DNAJC15: variants seen among roughly 807,000 people sequenced by gnomAD.
The protein encoded by DNAJC15 is dnaJ homolog subfamily C member 15.
In DNAJC15, 27 loss-of-function variants were observed where a neutral mutation model predicts 22.4. That is an observed-to-expected ratio of 1.20 (90% confidence interval 0.89 to 1.66). The LOEUF is 1.66. Among genes scored for constraint, DNAJC15 ranks in the 40% most tolerant of loss-of-function variants. The probability of loss-of-function intolerance (pLI) is 0.00; values close to 1 mark genes in which losing one functional copy is unlikely to be tolerated. For synonymous variants in DNAJC15, 79 were observed against 63.2 expected (o/e 1.25, Z -1.19); for missense variants, 208 against 187.1 (o/e 1.11, Z -0.65).
At chr13:43,080,310 A>G (rs1350958630) in intron 4 of DNAJC15, among the ~76,000 whole-genome samples, 1 of 152,004 alleles carries the variant, frequency 6.6e-6, no homozygotes, top group Admixed American at 6.6e-5. Flanking sequence ...AACATGTGAT[A>G]TTTGGTTTTC....
At chr13:43,101,948 A>G (rs1023825964) in intron 5 of DNAJC15, among the ~76,000 whole-genome samples, 2 of 152,204 alleles carry the variant, frequency 1.3e-5, no homozygotes, top group South Asian at 4.1e-4. Context: ...AAAGATACCT[A>G]GTAGTGGGAT....
intron 4 of DNAJC15, among the ~76,000 whole-genome samples, chr13:43,080,581 A>G (rs996055404): frequency 1.3e-5 from 2 of 152,236 alleles, no homozygotes; most frequent in Non-Finnish European, 2.9e-5. Flanking sequence ...AAAGCAGATT[A>G]TTGCCCTGAG....
At chr13:43,044,630 C>T (rs1024828521) in intron 1 of DNAJC15, among the ~76,000 whole-genome samples, 5 of 152,096 alleles carry the variant, frequency 3.3e-5, no homozygotes, top group Non-Finnish European at 5.9e-5. Flanking sequence ...CTTTGTCTTC[C>T]GAGAGACTTT....
In DNAJC15 at chr13:43,051,356, C is replaced by CTTTAGATACACTAAAATGA. The variant is rs1593314817; in HGVS notation, c.109-14329_109-14328insTTAGATACACTAAAATGAT. ...TGGATAAGTTCTTTAGTGGTGACAT[C>CTTTAGATACACTAAAATGA]TGAGATTTTAGTGTACTCATCACCT... On this transcript the variant is annotated intron_variant, in intron 1 of 5. Transcript: ENST00000379221. Among the ~76,000 whole-genome samples the CTTTAGATACACTAAAATGA allele has an allele frequency of 5.9e-5, 9 of 152,206 alleles. No individual in the cohort carries two copies. The East Asian group carries it at 1.7e-3, about 29-fold the overall frequency.
intron 1 of DNAJC15, among the ~76,000 whole-genome samples, chr13:43,056,878 C>T (rs1489800534): frequency 5.3e-5 from 8 of 152,194 alleles, no homozygotes; most frequent in Non-Finnish European, 4.4e-5. Flanking sequence ...TTTGCTACCC[C>T]TTTATCTTAT....
rs1382936663 is a variant in DNAJC15, at chr13:43,101,214, A to G, written c.383-5964A>G. 2.6e-5 allele frequency among the ~76,000 whole-genome samples: 4 copies of G among 152,140 alleles called. No homozygotes were observed. In the East Asian group the frequency reaches 5.8e-4, roughly 22 times the overall value. On this transcript the variant is annotated intron_variant, in intron 5 of 5. Coordinates refer to ENST00000379221, the MANE Select transcript of DNAJC15 (RefSeq NM_013238.3). Reference sequence around the variant, plus strand: ...TTGCTTTTCTTCAATTTTTAATAGAAACAGGGTCTTGCTATATTGCTCAGG... The same window carrying G: ...TTGCTTTTCTTCAATTTTTAATAGAGACAGGGTCTTGCTATATTGCTCAGG...
At chr13:43,092,089 G>T (rs1188772063) in intron 5 of DNAJC15, among the ~76,000 whole-genome samples, 1 of 152,162 alleles carries the variant, frequency 6.6e-6, no homozygotes, top group Admixed American at 6.5e-5. Flanking sequence ...TAAGATAGGG[G>T]TAAAACCTCC....
chr13:43,023,616 G>A lies in DNAJC15; in HGVS notation c.-11G>A. Reference sequence around the variant, plus strand: ...CTGCCGCGGCGCCTTGAGTCTCCGGGCCGCCTTGCCATGGCTGCCCGTGGT... The same window carrying A: ...CTGCCGCGGCGCCTTGAGTCTCCGGACCGCCTTGCCATGGCTGCCCGTGGT... On this transcript the variant is annotated 5_prime_UTR_variant, in exon 1 of 6. Coordinates refer to ENST00000379221, the MANE Select transcript of DNAJC15 (RefSeq NM_013238.3). 1.9e-6 allele frequency: 3 copies of A among 1,605,310 alleles called. No homozygotes were observed. The highest frequency in any genetic ancestry group is 2.6e-6 in the Non-Finnish European group (3 of 1,176,078).
chr13:43,071,319 G>A (rs2762169), intron 3 of DNAJC15, among the ~76,000 whole-genome samples: 144,053 of 152,250 alleles, frequency 0.95, 68,486 homozygotes, highest in Non-Finnish European at 1. Context: ...TGGTACCTGC[G>A]TTTCTTAAAG....
At chr13:43,039,151 C>G (rs1341437992) in intron 1 of DNAJC15, among the ~76,000 whole-genome samples, 1 of 152,126 alleles carries the variant, frequency 6.6e-6, no homozygotes, top group Non-Finnish European at 1.5e-5. Context: ...TACCTGGGCT[C>G]TAGTCCAGTG....
intron 1 of DNAJC15, among the ~76,000 whole-genome samples, chr13:43,026,562 AG>A (rs2040381757): frequency 6.6e-6 from 1 of 152,214 alleles, no homozygotes. Context: ...GGAACTTGGA[AG>A]TACTGAAAGC....
chr13:43,086,193 G>A (rs1421168180), intron 5 of DNAJC15, among the ~76,000 whole-genome samples: 1 of 152,188 alleles, frequency 6.6e-6, no homozygotes, highest in Non-Finnish European at 1.5e-5. Context: ...CAATGTAAAA[G>A]CACAAGAGTT....
At chr13:43,090,945 A>G (rs1290015365) in intron 5 of DNAJC15, among the ~76,000 whole-genome samples, 3 of 151,722 alleles carry the variant, frequency 2.0e-5, no homozygotes, top group Admixed American at 6.6e-5. Context: ...ATCGTGATCC[A>G]CCCACCTTGG....
chr13:43,056,621 TAGTGA>T (rs1462103497), intron 1 of DNAJC15, among the ~76,000 whole-genome samples: 1 of 152,246 alleles, frequency 6.6e-6, no homozygotes, highest in African/African-American at 2.4e-5. Flanking sequence ...GTCAGTGAAG[TAGTGA>T]AGTCCCCCAC....
intron 1 of DNAJC15, among the ~76,000 whole-genome samples, chr13:43,058,344 GATT>G (rs1262841440): frequency 6.6e-6 from 1 of 152,138 alleles, no homozygotes; most frequent in Non-Finnish European, 1.5e-5. Flanking sequence ...GCTCCCAAGA[GATT>G]ATGTCCTTTG....
intron 4 of DNAJC15, among the ~76,000 whole-genome samples, chr13:43,080,555 T>C (rs1399228303): frequency 6.6e-6 from 1 of 152,246 alleles, no homozygotes; most frequent in Non-Finnish European, 1.5e-5. Flanking sequence ...AACTACTCAA[T>C]AAATAGCAGC....
intron 5 of DNAJC15, among the ~76,000 whole-genome samples, chr13:43,099,780 A>G (rs989344364): frequency 1.3e-5 from 2 of 151,784 alleles, no homozygotes; most frequent in Non-Finnish European, 2.9e-5. Context: ...GTTGTGGTTT[A>G]TAATTCTTTT....
At chr13:43,051,776 T>G (rs912330455) in intron 1 of DNAJC15, among the ~76,000 whole-genome samples, 2 of 152,164 alleles carry the variant, frequency 1.3e-5, no homozygotes, top group African/African-American at 2.4e-5. Flanking sequence ...CTTTTTCATA[T>G]GATTGCTTAT....
chr13:43,103,556 G>GC (rs2040781552), intron 5 of DNAJC15, among the ~76,000 whole-genome samples: 1 of 152,158 alleles, frequency 6.6e-6, no homozygotes. Context: ...CTTGCTTTTA[G>GC]CCTAGCACAT....
Sources: gnomAD v4.1 joint callset for allele counts (sites outside exome capture counted in the v4.1 genomes callset) on GRCh38, gnomAD v4.1.1 for gene constraint, MANE v1.5 for transcripts, NCBI Gene and HGNC (gene_info 2026-07-23, HGNC 2026-07-21) for gene names.